Variants in KRT13 observed in about 807,000 individuals in gnomAD.
The protein encoded by KRT13 is keratin 13, also known as keratin, type I cytoskeletal 13.
KRT13 carries 27 observed loss-of-function variants against 40.6 expected under a neutral mutation model. The observed-to-expected ratio is 0.67, with a 90% confidence interval of 0.49 to 0.92. The LOEUF (loss-of-function observed/expected upper bound fraction) is 0.92, where lower values mean the gene tolerates loss of function less well. KRT13 is among the 40% of genes least tolerant of loss of function. KRT13 has a pLI of 0.00. For synonymous variants in KRT13, 266 were observed against 240.3 expected, an observed-to-expected ratio of 1.11 and a Z score of -0.99; for missense variants, 605 against 611.5, an observed-to-expected ratio of 0.99 and a Z score of 0.11.
Position 41,503,115 on chromosome 17 carries a change from G to A in KRT13, c.736-17C>T, listed in dbSNP as rs757861009. Reference sequence around the variant, plus strand: ...CTTCATCTCCTGTGGGGATGGGAAAGGAAGATGTGTGAGGCTACTCATCCT... The same window carrying A: ...CTTCATCTCCTGTGGGGATGGGAAAAGAAGATGTGTGAGGCTACTCATCCT... On this transcript the variant is annotated splice_polypyrimidine_tract_variant and intron_variant, in intron 3 of 7. Transcript: ENST00000246635. 9 of 1,614,056 alleles carry A rather than the reference G, an allele frequency of 5.6e-6. No individual in the cohort carries two copies. The Admixed American group carries it at 8.3e-5, about 15-fold the overall frequency.
rs767038726 is a variant in KRT13, at chr17:41,502,498, G to T, written c.1120C>A (p.Leu374Met). 3 of 1,614,028 alleles carry T rather than the reference G, an allele frequency of 1.9e-6. No homozygotes were observed. In the African/African-American group the frequency reaches 4.0e-5, roughly 22 times the overall value. Residue 374 changes from leucine (L) to methionine (M), a missense_variant, in exon 6 of 8, where the codon CTG (leucine) becomes ATG (methionine). Coordinates refer to ENST00000246635, the MANE Select transcript of KRT13 (RefSeq NM_153490.3). Reference protein sequence around the residue: ...QGLISSIEAQLSELRSEMECQ... With the variant: ...QGLISSIEAQMSELRSEMECQ... Reference sequence around the variant, plus strand: ...TCCATCTCACTGCGGAGCTCGCTCAGCTGGGCCTCGATGCTGCTGATGAGT... The same window carrying T: ...TCCATCTCACTGCGGAGCTCGCTCATCTGGGCCTCGATGCTGCTGATGAGT...
Position 41,501,622 on chromosome 17 carries a change from A to T in KRT13, c.1270+97T>A. The T allele has an allele frequency of 3.9e-6, 6 of 1,542,922 alleles. No individual in the cohort carries two copies. In the South Asian group the frequency reaches 7.2e-5, roughly 18 times the overall value. ...CCCTCCCTACACTGGAGAGCCCAGC[A>T]CTGGCTCCCTCCCTCCCCGCCAGCT... is the stretch of plus-strand genomic sequence containing the variant. On this transcript the variant is annotated intron_variant, in intron 7 of 7. Coordinates refer to ENST00000246635, the MANE Select transcript of KRT13 (RefSeq NM_153490.3).
At chr17:41,503,863 G>A in intron 1 of KRT13, 138 bp from the exon 2 acceptor site, 1 of 734,268 alleles carries the variant, frequency 1.4e-6, no homozygotes, top group Non-Finnish European at 2.4e-6. Flanking sequence ...GGGCTAAAAA[G>A]AAATTGGCAA....
chr17:41,502,994 C>T lies in KRT13; in HGVS notation c.840G>A (p.Gln280=). The change falls in exon 4 of 8, where the codon CAG becomes CAA. Residue 280 remains glutamine (Q), a synonymous_variant. Transcript: ENST00000246635. ...LTRVLAEMRE[Q]YEAMAERNRR... ...GGTTCCTCTCTGCCATGGCCTCGTACTGCTCCCTCATCTCTGCCAGCACGC... is the reference window on the plus strand; with the variant it reads ...GGTTCCTCTCTGCCATGGCCTCGTATTGCTCCCTCATCTCTGCCAGCACGC... 6.2e-7 allele frequency: 1 copy of T among 1,614,224 alleles called. No individual in the cohort carries two copies. The highest frequency in any genetic ancestry group is 8.5e-7 in the Non-Finnish European group (1 of 1,180,030).
intron 2 of KRT13, 99 bp from the exon 3 acceptor site, chr17:41,503,542 C>A: frequency 6.5e-7 from 1 of 1,529,774 alleles, no homozygotes; most frequent in South Asian, 1.1e-5. Flanking sequence ...TACTTCCAGA[C>A]CTTCACTCCT....
chr17:41,501,418 G>A, intron 7 of KRT13, 56 bp from the exon 8 acceptor site: 4 of 1,408,276 alleles, frequency 2.8e-6, no homozygotes, highest in Non-Finnish European at 3.9e-6. Flanking sequence ...CTCAGGACAG[G>A]GCAGGGCCCC....
intron 7 of KRT13, 94 bp from the exon 8 acceptor site, chr17:41,501,456 G>A (rs2144501739): frequency 1.8e-6 from 2 of 1,134,012 alleles, no homozygotes; most frequent in Non-Finnish European, 2.6e-6. Flanking sequence ...CTCCTCATTA[G>A]TCAGGTGGTG....
chr17:41,502,817 A>C lies in KRT13; in HGVS notation c.898-5T>G. 1 of 1,614,148 alleles carries C rather than the reference A, an allele frequency of 6.2e-7. No individual in the cohort carries two copies. Reference sequence around the variant, plus strand: ...CTCCTTGTTCAGCTCTGCACTCTGAAATGCAAGCAGGAAGAAGGTGGTGGG... The same window carrying C: ...CTCCTTGTTCAGCTCTGCACTCTGACATGCAAGCAGGAAGAAGGTGGTGGG... On this transcript the variant is annotated splice_region_variant and splice_polypyrimidine_tract_variant and intron_variant, in intron 4 of 7. Coordinates refer to ENST00000246635, the MANE Select transcript of KRT13 (RefSeq NM_153490.3).
At position 41,505,387 on chromosome 17, in the gene KRT13, C is replaced by G. The variant is rs757012196; in HGVS notation, c.164G>C (p.Gly55Ala). Residue 55 changes from glycine to alanine, a missense_variant, in exon 1 of 8, where the codon GGA (glycine) becomes GCA (alanine). Transcript: ENST00000246635. ...ACCTCCAAAGCCACTACCAGCCCCT[C>G]CACCAAAACCACAGCTCACGCCGCC... ...YGGGVSCGFG[G>A]GAGSGFGGGY... The G allele has an allele frequency of 6.2e-7, 1 of 1,613,772 alleles. No individual in the cohort carries two copies. The highest frequency in any genetic ancestry group is 2.2e-5 in the East Asian group (1 of 44,872).
At chr17:41,503,152 G>C in intron 3 of KRT13, 54 bp from the exon 4 acceptor site, 1 of 1,608,106 alleles carries the variant, frequency 6.2e-7, no homozygotes, top group Non-Finnish European at 8.5e-7. Flanking sequence ...CCTCTCCTTG[G>C]CTCTGAGTGC....
chr17:41,504,005 C>T (rs1904973668), intron 1 of KRT13: 3 of 436,272 alleles, frequency 6.9e-6, no homozygotes, highest in South Asian at 6.5e-5. Flanking sequence ...GGGGGGTCCA[C>T]GTGCTTGAGG....
chr17:41,505,031 C>T (rs761613318), intron 1 of KRT13, 25 bp downstream of exon 1: 2 of 1,613,670 alleles, frequency 1.2e-6, no homozygotes, highest in South Asian at 1.1e-5. Flanking sequence ...CATGGAGGAC[C>T]CCTCCTCAGC....
chr17:41,502,092 C>T, intron 6 of KRT13: 3 of 1,420,482 alleles, frequency 2.1e-6, no homozygotes, highest in Middle Eastern at 2.6e-4. Context: ...GTTAAAGCAC[C>T]ATAGTAATAG....
intron 6 of KRT13, 54 bp from the exon 7 acceptor site, chr17:41,501,798 T>G (rs1362684368): frequency 6.4e-7 from 1 of 1,572,590 alleles, no homozygotes; most frequent in Admixed American, 1.9e-5. Flanking sequence ...GGGCAGGTGC[T>G]TACCTGTTCC....
rs888329554 is a variant in KRT13 at position 41,501,187 on chromosome 17, C to T, written c.*69G>A. ...TTGGGTCCAGCAGCCCCTCCTCTCT[C>T]CTGCAGGGAACTGCCGGCTCTCTCC... On this transcript the variant is annotated 3_prime_UTR_variant, in exon 8 of 8. Transcript: ENST00000246635. 2 of 1,169,608 alleles carry T rather than the reference C, an allele frequency of 1.7e-6. No individual in the cohort carries two copies. The highest frequency in any genetic ancestry group is 3.1e-5 in the African/African-American group (2 of 65,242). The allele number at this position is 1,169,608 out of a possible 1,614,324, so 72.5% of individuals were successfully genotyped here.
At chr17:41,501,983 G>C in intron 6 of KRT13, 2 of 1,431,676 alleles carry the variant, frequency 1.4e-6, no homozygotes, top group African/African-American at 1.4e-5. Context: ...ACAAGATTCA[G>C]GGTGTTTGTC....
Position 41,503,403 on chromosome 17 carries a change from C to T in KRT13, c.619G>A (p.Asp207Asn), listed in dbSNP as rs766141128. The T allele has an allele frequency of 3.7e-6, 6 of 1,614,104 alleles. No individual in the cohort carries two copies. The highest frequency in any genetic ancestry group is 1.7e-5 in the Admixed American group (1 of 60,014). The change falls in exon 3 of 8, where the codon GAC becomes AAC. Residue 207 changes from aspartate (D) to asparagine (N), a missense_variant. By Grantham distance (23) the Asp-to-Asn change is conservative. Transcript: ENST00000246635. ...ELALRQSVEADINGLRRVLDE... is the reference protein window; with the variant it reads ...ELALRQSVEANINGLRRVLDE... The stretch of plus-strand genomic sequence containing the variant: ...AGCACCCGGCGCAGGCCGTTGATGT[C>T]GGCCTCCACGCTCTGGCGCAGGGCC...
intron 2 of KRT13, 77 bp downstream of exon 2, chr17:41,503,566 G>A: frequency 3.9e-6 from 6 of 1,533,658 alleles, no homozygotes; most frequent in Non-Finnish European, 4.5e-6. Flanking sequence ...ATGCTCCAGT[G>A]TCATTGGTCA....
Position 41,505,455 on chromosome 17 carries a change from A to G in KRT13, c.96T>C (p.Cys32=). Residue 32 remains cysteine, a synonymous_variant, in exon 1 of 8, where the codon TGT becomes TGC. Transcript: ENST00000246635. ...ATCCCCCGGACACAAACCGAGTTGA[A>G]CAGGTAGAGACACCACGGCCTCCTC... ...QLGGGRGVST[C]STRFVSGGSA... is the part of the protein sequence containing the mutation. The G allele has an allele frequency of 6.2e-7, 1 of 1,614,052 alleles. No individual in the cohort carries two copies. Among genetic ancestry groups the G allele is most frequent in the Non-Finnish European group, 8.5e-7 (1 of 1,179,924 alleles).
Sources: gnomAD v4.1 joint callset for allele counts on GRCh38, gnomAD v4.1.1 for gene constraint, MANE v1.5 for transcripts, NCBI Gene and HGNC (gene_info 2026-07-23, HGNC 2026-07-21) for gene names.